The following RYR2 variants were observed in gnomAD, a reference collection of about 807,000 sequenced individuals.
RYR2 encodes ryanodine receptor 2, also known as cardiac muscle ryanodine receptor-calcium release channel.
RYR2 carries 227 observed loss-of-function variants against 601.1 expected under a neutral mutation model. The observed-to-expected ratio is 0.38, with a 90% CI of 0.34 to 0.42. The LOEUF (loss-of-function observed/expected upper bound fraction) is 0.42, where lower values mean the gene tolerates loss of function less well. RYR2 is among the 10% of genes least tolerant of loss of function. The pLI is 1.00. For missense variants in RYR2, 4,646 were observed against 6,156.5 expected (o/e 0.75, Z 8.21); for synonymous variants, 2,223 against 2,175.1 (o/e 1.02, Z -0.61).
chr1:237,493,381 T>C (rs1187403803), intron 19 of RYR2, among the ~76,000 whole-genome samples: 1 of 152,198 alleles, frequency 6.6e-6, no homozygotes, highest in Non-Finnish European at 1.5e-5. Context: ...ACTGTATAGG[T>C]ATATGGTTGT....
intron 8 of RYR2, among the ~76,000 whole-genome samples, chr1:237,385,053 C>A (rs920154070): frequency 6.6e-6 from 1 of 151,952 alleles, no homozygotes; most frequent in Admixed American, 6.6e-5. Context: ...CCATGCCTGG[C>A]TAATTTTTTG....
At chr1:237,720,893 G>A (rs981587674) in intron 73 of RYR2, among the ~76,000 whole-genome samples, 5 of 152,246 alleles carry the variant, frequency 3.3e-5, no homozygotes, top group African/African-American at 9.6e-5. Context: ...TTTAGATGAC[G>A]TATTCAGGAG....
At chr1:237,739,002 C>T (rs1691381677) in intron 79 of RYR2, among the ~76,000 whole-genome samples, 1 of 152,154 alleles carries the variant, frequency 6.6e-6, no homozygotes, top group East Asian at 1.9e-4. Flanking sequence ...TTTTGTCAAC[C>T]AAATGGGTAT....
intron 1 of RYR2, among the ~76,000 whole-genome samples, chr1:237,045,262 A>G (rs948599215): frequency 1.3e-5 from 2 of 152,126 alleles, no homozygotes; most frequent in African/African-American, 4.8e-5. Flanking sequence ...TTCTTTTTTT[A>G]GAAGAGGTGT....
intron 1 of RYR2, among the ~76,000 whole-genome samples, chr1:237,181,134 C>G (rs1678708805): frequency 6.6e-6 from 1 of 151,974 alleles, no homozygotes; most frequent in Non-Finnish European, 1.5e-5. Flanking sequence ...CAGGCACCTG[C>G]CACCATGCCC....
At chr1:237,752,342 G>C (rs1456048290) in intron 80 of RYR2, among the ~76,000 whole-genome samples, 2 of 151,998 alleles carry the variant, frequency 1.3e-5, no homozygotes, top group Non-Finnish European at 2.9e-5. Flanking sequence ...GTAGAGACAG[G>C]GTCTTGCTAT....
At chr1:237,507,985 T>C (rs1665442957) in intron 23 of RYR2, among the ~76,000 whole-genome samples, 2 of 152,168 alleles carry the variant, frequency 1.3e-5, no homozygotes, top group Admixed American at 1.3e-4. Context: ...TTTTTTGCTA[T>C]AGAGTTTCGC....
At chr1:237,098,142 G>A (rs76485366) in intron 1 of RYR2, among the ~76,000 whole-genome samples, 4,281 of 152,230 alleles carry the variant, frequency 0.028, 77 homozygotes, top group East Asian at 0.082. Context: ...TGAAAATGAA[G>A]AGAATTTGGA....
At chr1:237,668,047 A>G (rs1160860357) in intron 58 of RYR2, 89 bp downstream of exon 58, 3 of 1,000,218 alleles carry the variant, frequency 3.0e-6, no homozygotes, top group Non-Finnish European at 4.4e-6. Context: ...ACAACAGCTT[A>G]TTATAACTTT....
intron 14 of RYR2, among the ~76,000 whole-genome samples, chr1:237,450,543 G>GT (rs11348125): frequency 6.6e-6 from 1 of 151,658 alleles, no homozygotes; most frequent in Admixed American, 6.6e-5. Flanking sequence ...ATTATACTTT[G>GT]TTTTTTTGGG....
At chr1:237,170,977 G>A (rs1331366490) in intron 1 of RYR2, among the ~76,000 whole-genome samples, 1 of 152,034 alleles carries the variant, frequency 6.6e-6, no homozygotes, top group Non-Finnish European at 1.5e-5. Context: ...GGAGGATGAG[G>A]CCAGCTGGGT....
At chr1:237,598,253 T>C (rs1676101021) in intron 34 of RYR2, among the ~76,000 whole-genome samples, 1 of 152,088 alleles carries the variant, frequency 6.6e-6, no homozygotes, top group Non-Finnish European at 1.5e-5. Context: ...CAGCAGATAA[T>C]CCAGACAGAA....
chr1:237,487,303 G>A (rs1452696518), intron 17 of RYR2, among the ~76,000 whole-genome samples: 1 of 151,996 alleles, frequency 6.6e-6, no homozygotes, highest in Non-Finnish European at 1.5e-5. Flanking sequence ...GCATAATATT[G>A]TATACCTATT....
At chr1:237,193,892 T>C (rs922080861) in intron 1 of RYR2, among the ~76,000 whole-genome samples, 2 of 152,234 alleles carry the variant, frequency 1.3e-5, no homozygotes, top group South Asian at 2.1e-4. Context: ...TCTAATAGTT[T>C]AATAAAAAAT....
intron 40 of RYR2, among the ~76,000 whole-genome samples, chr1:237,626,325 CCTA>C (rs1208036127): frequency 6.6e-6 from 1 of 152,018 alleles, no homozygotes; most frequent in African/African-American, 2.4e-5. Flanking sequence ...AGGGATCCAG[CCTA>C]CTTTTTACTT....
intron 63 of RYR2, among the ~76,000 whole-genome samples, chr1:237,696,368 G>A (rs1369950086): frequency 2.0e-5 from 3 of 151,968 alleles, no homozygotes; most frequent in African/African-American, 4.8e-5. Flanking sequence ...TGTCTATACT[G>A]CATCTTTCTT....
chr1:237,295,226 A>G (rs1692636975), intron 2 of RYR2, among the ~76,000 whole-genome samples: 1 of 152,014 alleles, frequency 6.6e-6, no homozygotes, highest in South Asian at 2.1e-4. Context: ...CCTGTCTCCA[A>G]AAAAAGTAAA....
At chr1:237,632,422 T>C (rs1415196699) in intron 42 of RYR2, among the ~76,000 whole-genome samples, 4 of 140,522 alleles carry the variant, frequency 2.8e-5, no homozygotes, top group Non-Finnish European at 4.5e-5. Flanking sequence ...TGAGACGGAG[T>C]CTCAGTCTCT....
At chr1:237,648,027 A>G (rs1316006025) in intron 48 of RYR2, among the ~76,000 whole-genome samples, 1 of 152,248 alleles carries the variant, frequency 6.6e-6, no homozygotes, top group Non-Finnish European at 1.5e-5. Context: ...AAATGTAAAT[A>G]TACCAAGATT....
Sources: allele counts gnomAD v4.1 joint callset (sites outside exome capture counted in the v4.1 genomes callset), GRCh38; gene constraint gnomAD v4.1.1; transcripts MANE v1.5; gene names NCBI Gene and HGNC (gene_info 2026-07-23, HGNC 2026-07-21).